EVL: variants seen among roughly 807,000 people sequenced by gnomAD.
EVL encodes ena/VASP-like protein.
EVL carries 21 observed loss-of-function variants against 59.6 expected under a neutral mutation model. That is an observed-to-expected ratio of 0.35 (90% CI 0.25 to 0.51). EVL has a LOEUF of 0.51. EVL is among the 20% of genes least tolerant of loss of function. EVL has a pLI of 0.97. For missense variants in EVL, 462 were observed against 546.6 expected, an observed-to-expected ratio of 0.85 and a Z score of 1.54; for synonymous variants, 198 against 203.5, an observed-to-expected ratio of 0.97 and a Z score of 0.23.
intron 1 of EVL, among the ~76,000 whole-genome samples, chr14:100,040,082 C>T (rs1256584323): frequency 6.6e-6 from 1 of 152,184 alleles, no homozygotes; most frequent in East Asian, 1.9e-4. Context: ...GCCCAGCCCC[C>T]ATGAGCTGTT....
At chr14:100,045,615 C>T (rs916557215) in intron 1 of EVL, among the ~76,000 whole-genome samples, 1 of 152,220 alleles carries the variant, frequency 6.6e-6, no homozygotes, top group Non-Finnish European at 1.5e-5. Context: ...TGTCAATGAA[C>T]ACACATTCAG....
At chr14:99,985,325 C>T (rs2060833146) in intron 1 of EVL, among the ~76,000 whole-genome samples, 1 of 151,754 alleles carries the variant, frequency 6.6e-6, no homozygotes, top group African/African-American at 2.4e-5. Flanking sequence ...TGAGATGGGC[C>T]TAGGGGAACT....
chr14:100,027,204 G>A (rs1013031808), intron 1 of EVL, among the ~76,000 whole-genome samples: 2 of 152,130 alleles, frequency 1.3e-5, no homozygotes. Flanking sequence ...TCAAATCAGG[G>A]TAACTGGAAT....
At chr14:100,047,417 C>T (rs1315703308) in intron 1 of EVL, among the ~76,000 whole-genome samples, 2 of 152,084 alleles carry the variant, frequency 1.3e-5, no homozygotes, top group East Asian at 3.9e-4. Flanking sequence ...TGGGCAGAAT[C>T]GTCTCCCTAG....
intron 1 of EVL, among the ~76,000 whole-genome samples, chr14:100,078,380 G>A (rs146384549): frequency 2.5e-3 from 377 of 152,276 alleles, no homozygotes; most frequent in Non-Finnish European, 4.6e-3. Flanking sequence ...TTGGAAGGCT[G>A]GGGATTAAGG....
chr14:100,010,036 T>C (rs544858952), intron 1 of EVL, among the ~76,000 whole-genome samples: 1 of 152,268 alleles, frequency 6.6e-6, no homozygotes, highest in East Asian at 1.9e-4. Context: ...ATGTTTCTTA[T>C]CAGACTTAAA....
At chr14:100,086,729 G>A (rs1318083997) in intron 2 of EVL, among the ~76,000 whole-genome samples, 1 of 152,210 alleles carries the variant, frequency 6.6e-6, no homozygotes, top group Non-Finnish European at 1.5e-5. Context: ...AAATTTGGAG[G>A]GCTGTGTTGA....
chr14:100,004,402 A>G (rs529966353), intron 1 of EVL, among the ~76,000 whole-genome samples: 23 of 152,294 alleles, frequency 1.5e-4, no homozygotes, highest in African/African-American at 4.8e-4. Flanking sequence ...AAAAATTACA[A>G]TCTCTTATCA....
chr14:100,141,419 AGCCCCT>A (rs1227898066), intron 12 of EVL, among the ~76,000 whole-genome samples, 173 bp downstream of exon 12: 1 of 152,176 alleles, frequency 6.6e-6, no homozygotes, highest in Non-Finnish European at 1.5e-5. Flanking sequence ...CTTTGTCCCC[AGCCCCT>A]GCCATCACCA....
Position 100,088,158 on chromosome 14 carries a change from G to A in EVL, c.180+3303G>A, listed in dbSNP as rs2062486959. On this transcript the variant is annotated intron_variant, in intron 2 of 13. Transcript: ENST00000392920. ...GGAAAGTGTTACATTGCCAGCCTGA[G>A]AGGTAAGATTCTGGGAAAGACAGTT... is the stretch of plus-strand genomic sequence containing the variant. Among the ~76,000 whole-genome samples, 3 of 152,242 alleles carry A rather than the reference G, an allele frequency of 2.0e-5. No individual in the cohort carries two copies. In the South Asian group the frequency reaches 6.2e-4, roughly 32 times the overall value.
exon 1 of EVL, chr14:99,971,957 C>G: frequency 6.8e-6 from 1 of 146,414 alleles, no homozygotes; most frequent in African/African-American, 2.5e-5. Flanking sequence ...CGCCCGGGGC[C>G]GGCTCCCCCG....
intron 2 of EVL, among the ~76,000 whole-genome samples, chr14:100,089,776 T>A (rs968492086): frequency 2.0e-5 from 3 of 152,080 alleles, no homozygotes; most frequent in South Asian, 2.1e-4. Flanking sequence ...CAACAAAAAA[T>A]TTTTTAATTA....
chr14:100,045,819 A>G lies in EVL; in HGVS notation c.6-38868A>G, dbSNP rs575043068. 2.6e-5 allele frequency among the ~76,000 whole-genome samples: 4 copies of G among 152,338 alleles called. No individual in the cohort carries two copies. The East Asian group carries it at 7.7e-4, about 29-fold the overall frequency. ...TGTTTGTGCCTAATGGGCAGAATGAATTATGGAATGAATCAATGAATTCTT... is the reference window on the plus strand; with the variant it reads ...TGTTTGTGCCTAATGGGCAGAATGAGTTATGGAATGAATCAATGAATTCTT... On this transcript the variant is annotated intron_variant, in intron 1 of 13. Transcript: ENST00000402714.
chr14:100,060,438 A>AG (rs1349353235), upstream of EVL, among the ~76,000 whole-genome samples: 1 of 152,054 alleles, frequency 6.6e-6, no homozygotes, highest in East Asian at 1.9e-4. Context: ...CTCAAAAAAA[A>AG]AAAAAAAAAA....
chr14:100,051,022 C>T (rs1427832886), intron 1 of EVL, among the ~76,000 whole-genome samples: 1 of 152,140 alleles, frequency 6.6e-6, no homozygotes, highest in Non-Finnish European at 1.5e-5. Flanking sequence ...TCTGGGATTA[C>T]AGGTGTGAAC....
intron 5 of EVL, 80 bp from the exon 6 acceptor site, chr14:100,128,439 C>T (rs944303942): frequency 1.6e-5 from 23 of 1,454,686 alleles, no homozygotes; most frequent in African/African-American, 5.6e-5. Context: ...GTCCTTCCTC[C>T]GGGGAACCTG....
At chr14:100,051,219 C>T (rs755874606) in intron 1 of EVL, among the ~76,000 whole-genome samples, 3 of 152,174 alleles carry the variant, frequency 2.0e-5, no homozygotes, top group Admixed American at 2.0e-4. Flanking sequence ...TGAAACCTTG[C>T]ACTGTCCTGC....
At chr14:100,011,957 A>G (rs2061019556) in intron 1 of EVL, among the ~76,000 whole-genome samples, 1 of 152,230 alleles carries the variant, frequency 6.6e-6, no homozygotes, top group Admixed American at 6.5e-5. Context: ...AGGAAGCAGG[A>G]TAGGAATTAT....
In EVL at chr14:100,034,262, G is replaced by C. The variant is rs1022332755; in HGVS notation, c.6-50425G>C. On this transcript the variant is annotated intron_variant, in intron 1 of 13. Transcript: ENST00000402714. ...AAAAAAAAAAAAAAGAAAAAGAAAA[G>C]AAAAATTATAATCACCCCTGCCCCG... Among the ~76,000 whole-genome samples the C allele has an allele frequency of 6.0e-5, 9 of 149,244 alleles. No individual in the cohort carries two copies. The South Asian group carries it at 1.9e-3, about 32-fold the overall frequency.
Sources: allele counts gnomAD v4.1 joint callset (sites outside exome capture counted in the v4.1 genomes callset), GRCh38; gene constraint gnomAD v4.1.1; transcripts MANE v1.5; gene names NCBI Gene and HGNC (gene_info 2026-07-23, HGNC 2026-07-21).